The following SLC25A26 variants were observed in gnomAD, a reference collection of about 807,000 sequenced individuals.
SLC25A26 encodes the protein mitochondrial S-adenosylmethionine carrier protein.
SLC25A26 carries 36 observed loss-of-function variants against 37.8 expected under a neutral mutation model. The observed-to-expected ratio is 0.95, with a 90% CI of 0.73 to 1.26. SLC25A26 has a LOEUF of 1.26. Ranked by LOEUF, SLC25A26 falls within the 50% of genes most tolerant of loss-of-function variation. SLC25A26 has a pLI of 0.00. For missense variants in SLC25A26, 390 were observed against 331.1 expected (o/e 1.18, Z -1.38); for synonymous variants, 129 against 122.5 (o/e 1.05, Z -0.35).
chr3:66,135,010 T>C (rs1425494138), intron 1 of SLC25A26, among the ~76,000 whole-genome samples: 1 of 152,048 alleles, frequency 6.6e-6, no homozygotes, highest in Non-Finnish European at 1.5e-5. Context: ...TTTGTATTTT[T>C]AGTACAGACG....
intron 1 of SLC25A26, among the ~76,000 whole-genome samples, chr3:66,206,236 C>T (rs2071174957): frequency 6.6e-6 from 1 of 152,080 alleles, no homozygotes; most frequent in African/African-American, 2.4e-5. Flanking sequence ...TCAATGCAGG[C>T]GAGCCAAGCA....
intron 1 of SLC25A26, among the ~76,000 whole-genome samples, chr3:66,212,507 G>C (rs1266422548): frequency 6.6e-6 from 1 of 151,960 alleles, no homozygotes; most frequent in Non-Finnish European, 1.5e-5. Context: ...GTATACATAG[G>C]GTTCAGTACT....
chr3:66,280,575 C>G (rs563486804), intron 5 of SLC25A26, among the ~76,000 whole-genome samples: 1 of 152,298 alleles, frequency 6.6e-6, no homozygotes, highest in East Asian at 1.9e-4. Context: ...TCTTTGAACT[C>G]TTAACGCTCG....
chr3:66,361,583 T>C (rs1190696302), intron 6 of SLC25A26, among the ~76,000 whole-genome samples: 2 of 152,216 alleles, frequency 1.3e-5, no homozygotes, highest in Admixed American at 6.5e-5. Context: ...GTGCAACATA[T>C]TTGAACAGAC....
intron 1 of SLC25A26, among the ~76,000 whole-genome samples, chr3:66,234,079 T>C (rs528283143): frequency 9.5e-4 from 118 of 124,650 alleles, no homozygotes; most frequent in African/African-American, 3.3e-3. Flanking sequence ...ATGCAAAATA[T>C]TTGCCTACCA....
intron 1 of SLC25A26, among the ~76,000 whole-genome samples, chr3:66,188,347 G>T (rs978301190): frequency 2.2e-4 from 33 of 152,172 alleles, no homozygotes; most frequent in African/African-American, 8.0e-4. Context: ...TTGATCCTCA[G>T]TGTTGGAGGT....
chr3:66,264,482 G>C (rs2073667182), intron 5 of SLC25A26, among the ~76,000 whole-genome samples: 1 of 152,176 alleles, frequency 6.6e-6, no homozygotes, highest in African/African-American at 2.4e-5. Flanking sequence ...AGCAGCAGGT[G>C]AGTGAGCATT....
At chr3:66,290,364 G>T (rs2074663955) in intron 5 of SLC25A26, among the ~76,000 whole-genome samples, 1 of 152,172 alleles carries the variant, frequency 6.6e-6, no homozygotes, top group Non-Finnish European at 1.5e-5. Context: ...GAATAGGAGT[G>T]GTGAGAGAGG....
intron 8 of SLC25A26, 104 bp from the exon 9 acceptor site, chr3:66,370,425 T>C (rs1172331407): frequency 1.1e-6 from 1 of 918,780 alleles, no homozygotes; most frequent in Non-Finnish European, 1.7e-6. Context: ...CACTGTGTTC[T>C]AGATGAGGGT....
At chr3:66,239,042 A>C (rs1172872145) in intron 2 of SLC25A26, among the ~76,000 whole-genome samples, 1 of 152,156 alleles carries the variant, frequency 6.6e-6, no homozygotes, top group African/African-American at 2.4e-5. Context: ...TCCTTGTCAT[A>C]AAGGAAGTCA....
intron 1 of SLC25A26, among the ~76,000 whole-genome samples, chr3:66,140,296 A>C (rs944931471): frequency 7.9e-5 from 12 of 152,180 alleles, no homozygotes; most frequent in Non-Finnish European, 1.8e-4. Context: ...GGAAGAATGG[A>C]ATGTGTATTC....
chr3:66,347,415 C>T (rs1192302287), intron 6 of SLC25A26, among the ~76,000 whole-genome samples: 1 of 152,138 alleles, frequency 6.6e-6, no homozygotes, highest in Admixed American at 6.5e-5. Flanking sequence ...AAATCAAAAC[C>T]ACAATGAGAT....
intron 1 of SLC25A26, among the ~76,000 whole-genome samples, chr3:66,202,531 G>GAAAAAAA (rs1177179044): frequency 4.6e-5 from 4 of 86,494 alleles, no homozygotes; most frequent in African/African-American, 8.8e-5. Flanking sequence ...AAAGTAAAAT[G>GAAAAAAA]AAAAAAAAAA....
intron 9 of SLC25A26, among the ~76,000 whole-genome samples, chr3:66,377,343 CAGTG>C (rs1247139762): frequency 1.3e-5 from 2 of 152,080 alleles, no homozygotes; most frequent in Non-Finnish European, 2.9e-5. Context: ...GCAACTGAGT[CAGTG>C]GGTGGAGCGG....
chr3:66,150,708 A>G (rs1357164738), intron 1 of SLC25A26, among the ~76,000 whole-genome samples: 1 of 135,754 alleles, frequency 7.4e-6, no homozygotes, highest in Non-Finnish European at 1.6e-5. Context: ...CTGTATTAGA[A>G]GCTATGAGAT....
intron 1 of SLC25A26, among the ~76,000 whole-genome samples, chr3:66,170,791 GTTTTTTTTTTTTTT>G (rs36147154): frequency 4.3e-4 from 22 of 50,900 alleles, no homozygotes; most frequent in African/African-American, 1.3e-3. Flanking sequence ...TGTGATTATT[GTTTTTTTTTTTTTT>G]TTTTTTTTTT....
chr3:66,312,010 C>T (rs2075392314), intron 5 of SLC25A26, among the ~76,000 whole-genome samples: 4 of 151,722 alleles, frequency 2.6e-5, no homozygotes, highest in Admixed American at 2.6e-4. Flanking sequence ...CTTAGCAGAG[C>T]TCAAGTGCTG....
At chr3:66,303,893 G>C (rs988779198) in intron 5 of SLC25A26, among the ~76,000 whole-genome samples, 1 of 152,192 alleles carries the variant, frequency 6.6e-6, no homozygotes, top group Non-Finnish European at 1.5e-5. Context: ...CCTTGTGGCA[G>C]TATGACTGAG....
At chr3:66,150,529 A>G (rs2070185179) in intron 1 of SLC25A26, among the ~76,000 whole-genome samples, 1 of 130,022 alleles carries the variant, frequency 7.7e-6, no homozygotes, top group Non-Finnish European at 1.6e-5. Context: ...ATAATGATAT[A>G]TATATATATA....
Sources: allele counts gnomAD v4.1 joint callset (sites outside exome capture counted in the v4.1 genomes callset), GRCh38; gene constraint gnomAD v4.1.1; transcripts MANE v1.5; gene names NCBI Gene and HGNC (gene_info 2026-07-23, HGNC 2026-07-21).